Variants in RFX7 observed in about 807,000 individuals in gnomAD.
RFX7 encodes regulatory factor X7, also known as DNA-binding protein RFX7.
In RFX7, 26 loss-of-function variants were observed where a neutral mutation model predicts 111.8. The observed-to-expected ratio is 0.23, with a 90% CI of 0.17 to 0.32. The LOEUF is 0.32. Ranked by LOEUF, RFX7 falls within the 10% of genes least tolerant of loss-of-function variation. The probability of loss-of-function intolerance (pLI) is 1.00; values close to 1 mark genes in which losing one functional copy is unlikely to be tolerated. For missense variants in RFX7, 1,573 were observed against 1,772.9 expected, an observed-to-expected ratio of 0.89 and a Z score of 2.02; for synonymous variants, 624 against 624.4, an observed-to-expected ratio of 1.00 and a Z score of 0.01.
intron 3 of RFX7, among the ~76,000 whole-genome samples, chr15:56,156,347 G>A (rs1019568023): frequency 6.6e-6 from 1 of 152,082 alleles, no homozygotes; most frequent in Non-Finnish European, 1.5e-5. Flanking sequence ...GCACATGCAT[G>A]CATCAATGTC....
chr15:56,218,582 T>C (rs549560591), intron 2 of RFX7, among the ~76,000 whole-genome samples: 46 of 152,208 alleles, frequency 3.0e-4, no homozygotes, highest in Non-Finnish European at 5.4e-4. Flanking sequence ...GCTCGCTGTA[T>C]GGCATCTAGG....
Position 56,087,643 on chromosome 15 carries a change from G to A in RFX7, c.*5702C>T. 1 of 441,742 alleles carries A rather than the reference G, an allele frequency of 2.3e-6. No individual in the cohort carries two copies. The highest frequency in any genetic ancestry group is 4.6e-6 in the Non-Finnish European group (1 of 218,738). 27.4% of individuals were successfully genotyped at this position (441,742 alleles called of 1,614,324 possible). A position where few individuals can be genotyped will look rare whatever the true frequency, so the allele number is the denominator to read the frequency against. ...GGCTGTGTGCTCAGCTAAAAATCAA[G>A]GACTTTTACAGTAAAGAAGAAGGGG... is the stretch of plus-strand genomic sequence containing the variant. On this transcript the variant is annotated 3_prime_UTR_variant, in exon 10 of 10. Coordinates refer to ENST00000559447, the MANE Select transcript of RFX7 (RefSeq NM_022841.7).
At chr15:56,142,250 T>C (rs558186729) in intron 5 of RFX7, among the ~76,000 whole-genome samples, 2 of 152,258 alleles carry the variant, frequency 1.3e-5, no homozygotes, top group African/African-American at 4.8e-5. Context: ...TTAAATAAAT[T>C]GTAAATACAA....
intron 2 of RFX7, among the ~76,000 whole-genome samples, chr15:56,231,486 AC>A (rs2043557182): frequency 6.6e-6 from 1 of 152,188 alleles, no homozygotes; most frequent in African/African-American, 2.4e-5. Flanking sequence ...AGACTTATTC[AC>A]TACCATGAGA....
chr15:56,228,573 G>A (rs1406747922), intron 2 of RFX7, among the ~76,000 whole-genome samples: 1 of 152,070 alleles, frequency 6.6e-6, no homozygotes, highest in Non-Finnish European at 1.5e-5. Flanking sequence ...AACACTATGT[G>A]TTTAATTTTT....
Position 56,177,725 on chromosome 15 carries a change from G to A in RFX7, c.195+1545C>T, listed in dbSNP as rs555905292. 2.6e-4 allele frequency among the ~76,000 whole-genome samples: 39 copies of A among 152,222 alleles called. No homozygotes were observed. The South Asian group carries it at 7.9e-3, about 31-fold the overall frequency. Reference sequence around the variant, plus strand: ...CAAAGAGAGTGGGTGGCCATATATAGACAAGAACTGTGTCTGTCTTGCTTA... The same window carrying A: ...CAAAGAGAGTGGGTGGCCATATATAAACAAGAACTGTGTCTGTCTTGCTTA... On this transcript the variant is annotated intron_variant, in intron 3 of 9. Coordinates refer to ENST00000559447, the MANE Select transcript of RFX7 (RefSeq NM_022841.7).
At chr15:56,152,454 C>T (rs1264749029) in intron 3 of RFX7, among the ~76,000 whole-genome samples, 4 of 152,244 alleles carry the variant, frequency 2.6e-5, no homozygotes, top group South Asian at 4.1e-4. Flanking sequence ...TGAATGACTA[C>T]TGGGTAAATA....
Position 56,094,081 on chromosome 15 carries a change from G to A in RFX7, c.3647C>T (p.Ala1216Val). The stretch of plus-strand genomic sequence containing the variant: ...TTGGCTTCTTTGAGCTATGTTGTTG[G>A]CACATGCGTCTGTGTGAACATTTGT... ...VFTNVHTDAC[A>V]NNIAQRSQSV... Residue 1216 changes from alanine (A) to valine (V), a missense_variant, in exon 10 of 10, where the codon GCC (alanine) becomes GTC (valine). Ala to Val is a moderately conservative substitution (Grantham distance 64, BLOSUM62 0). Transcript: ENST00000559447. 1.9e-6 allele frequency: 3 copies of A among 1,613,984 alleles called. No homozygotes were observed. In the African/African-American group the frequency reaches 4.0e-5, roughly 22 times the overall value.
intron 5 of RFX7, among the ~76,000 whole-genome samples, chr15:56,126,264 G>A (rs541809236): frequency 1.3e-5 from 2 of 152,264 alleles, no homozygotes; most frequent in East Asian, 3.9e-4. Context: ...AAGACCTGCA[G>A]CAAACTGGGT....
chr15:56,193,320 G>A (rs2043117635), intron 2 of RFX7: 2 of 152,208 alleles, frequency 1.3e-5, no homozygotes, highest in Admixed American at 1.3e-4. Context: ...CGCGTGTGGT[G>A]TTGGGACCAG....
intron 2 of RFX7, among the ~76,000 whole-genome samples, chr15:56,189,039 G>C (rs1417184734): frequency 1.3e-5 from 2 of 152,064 alleles, no homozygotes; most frequent in African/African-American, 4.8e-5. Context: ...TGCTGGTCTT[G>C]AACTCCTGAC....
At chr15:56,139,198 T>C (rs2042351021) in intron 5 of RFX7, among the ~76,000 whole-genome samples, 1 of 151,854 alleles carries the variant, frequency 6.6e-6, no homozygotes, top group Non-Finnish European at 1.5e-5. Context: ...CTGGATAATA[T>C]CCTGCAGAGT....
At chr15:56,169,579 A>C (rs1420482463) in intron 3 of RFX7, among the ~76,000 whole-genome samples, 3 of 151,904 alleles carry the variant, frequency 2.0e-5, no homozygotes, top group Admixed American at 1.3e-4. Flanking sequence ...CTTTATACCC[A>C]CCTAAGTTAG....
rs550796086 is a variant in RFX7, at chr15:56,092,370, T to A, written c.*975A>T. ...TATTCAGGAGGAGTGAGGGAGTCAGTCACTCAATTGAAGAGGAAAAAAACT... is the reference window on the plus strand; with the variant it reads ...TATTCAGGAGGAGTGAGGGAGTCAGACACTCAATTGAAGAGGAAAAAAACT... On this transcript the variant is annotated 3_prime_UTR_variant, in exon 10 of 10. Coordinates refer to ENST00000559447, the MANE Select transcript of RFX7 (RefSeq NM_022841.7). 1 of 152,578 alleles carries A rather than the reference T, an allele frequency of 6.6e-6. No homozygotes were observed. The highest frequency in any genetic ancestry group is 1.9e-4 in the East Asian group (1 of 5,186). The allele number at this position is 152,578 out of a possible 1,614,324, so 9.5% of individuals were successfully genotyped here.
intron 4 of RFX7, 142 bp from the exon 5 acceptor site, chr15:56,143,042 T>A (rs1307345708): frequency 2.3e-6 from 2 of 861,744 alleles, no homozygotes; most frequent in African/African-American, 3.4e-5. Context: ...TAGTAGATAA[T>A]TGTCCACCTA....
intron 2 of RFX7, among the ~76,000 whole-genome samples, chr15:56,208,943 A>G (rs1168699750): frequency 6.6e-6 from 1 of 152,148 alleles, no homozygotes; most frequent in Admixed American, 6.5e-5. Context: ...ACATATGTGT[A>G]ATGGAAATTC....
chr15:56,144,518 T>A (rs749217114), intron 3 of RFX7, 35 bp from the exon 4 acceptor site: 2 of 1,212,812 alleles, frequency 1.6e-6, no homozygotes, highest in Non-Finnish European at 2.3e-6. Flanking sequence ...AGATCATTTT[T>A]AAAAAACACT....
upstream of RFX7, chr15:56,244,303 G>C (rs2141260702): frequency 6.6e-6 from 1 of 152,412 alleles, no homozygotes; most frequent in South Asian, 2.1e-4. Context: ...TGACTTTTCA[G>C]AAGCCCCCAA....
chr15:56,129,244 G>A (rs1258837379), intron 5 of RFX7, among the ~76,000 whole-genome samples: 1 of 152,004 alleles, frequency 6.6e-6, no homozygotes, highest in Non-Finnish European at 1.5e-5. Context: ...GCGTGGTGGT[G>A]CATGCCTGTA....
Sources: allele counts gnomAD v4.1 joint callset (sites outside exome capture counted in the v4.1 genomes callset), GRCh38; gene constraint gnomAD v4.1.1; transcripts MANE v1.5; gene names NCBI Gene and HGNC (gene_info 2026-07-23, HGNC 2026-07-21).